The following IRF8 variants were observed in gnomAD, a reference collection of about 807,000 sequenced individuals.
The protein encoded by IRF8 is interferon consensus sequence binding protein 1.
IRF8 carries 14 observed loss-of-function variants against 48.7 expected under a neutral mutation model. The observed-to-expected ratio is 0.29, with a 90% confidence interval of 0.19 to 0.45. IRF8 has a LOEUF of 0.45. Ranked by LOEUF, IRF8 falls within the 20% of genes least tolerant of loss-of-function variation. The pLI, the probability that IRF8 is intolerant of heterozygous loss-of-function variation, is 1.00. For synonymous variants in IRF8, 278 were observed against 227.3 expected, an observed-to-expected ratio of 1.22 and a Z score of -2.01; for missense variants, 493 against 580.7, an observed-to-expected ratio of 0.85 and a Z score of 1.55.
In IRF8 at chr16:85,913,301, C is replaced by G. The variant is rs539393224; in HGVS notation, c.553+65C>G. On this transcript the variant is annotated intron_variant, in intron 5 of 8. Transcript: ENST00000268638. ...TGAAGGGTTTACGGCATTCCACCAG[C>G]CAGGGACGGAGTGGGGGTGGTTGTT... 168 of 1,165,260 alleles carry G rather than the reference C, an allele frequency of 1.4e-4. No homozygotes were observed. The African/African-American group carries it at 2.2e-3, about 16-fold the overall frequency. 72.2% of individuals were successfully genotyped at this position (1,165,260 alleles called of 1,614,324 possible).
intron 2 of IRF8, 58 bp from the exon 3 acceptor site, chr16:85,908,932 C>A: frequency 1.4e-6 from 2 of 1,433,628 alleles, no homozygotes; most frequent in Non-Finnish European, 2.0e-6. Context: ...GTCATGGTGA[C>A]GGATATTTGT....
At chr16:85,916,161 A>T (rs1451969567) in intron 6 of IRF8, among the ~76,000 whole-genome samples, 2 of 152,224 alleles carry the variant, frequency 1.3e-5, no homozygotes, top group Non-Finnish European at 2.9e-5. Flanking sequence ...TGCCGAGCAC[A>T]AATACAAGCT....
chr16:85,915,156 G>C (rs1905262213), intron 6 of IRF8, among the ~76,000 whole-genome samples: 1 of 152,256 alleles, frequency 6.6e-6, no homozygotes, highest in Non-Finnish European at 1.5e-5. Flanking sequence ...TCCCCGCGGT[G>C]GGCAGAGGTG....
At chr16:85,900,572 G>A (rs114919322) in intron 1 of IRF8, among the ~76,000 whole-genome samples, 1,606 of 152,302 alleles carry the variant, frequency 0.011, 33 homozygotes, top group African/African-American at 0.037. Context: ...CGTAACTATG[G>A]CTTTTCTCTG....
intron 2 of IRF8, among the ~76,000 whole-genome samples, chr16:85,907,220 C>A (rs540618763): frequency 1.3e-5 from 2 of 152,288 alleles, no homozygotes; most frequent in South Asian, 4.2e-4. Context: ...TTTGCATCAA[C>A]AAAGTAGGCA....
intron 2 of IRF8, chr16:85,903,661 G>C (rs374085256): frequency 4.8e-6 from 1 of 207,880 alleles, no homozygotes; most frequent in Non-Finnish European, 9.8e-6. Context: ...GGGCCGTGTG[G>C]GGGGTTGTGA....
chr16:85,909,280 T>G (rs750394271), intron 3 of IRF8, 107 bp downstream of exon 3: 9 of 862,332 alleles, frequency 1.0e-5, no homozygotes, highest in African/African-American at 5.0e-5. Context: ...GCACATAGTT[T>G]CAGTTAAACA....
intron 5 of IRF8, 93 bp downstream of exon 5, chr16:85,913,329 T>A: frequency 2.2e-6 from 2 of 890,308 alleles, no homozygotes; most frequent in Middle Eastern, 2.7e-4. Flanking sequence ...TGGTTGTTGC[T>A]ATCATGATCC....
intron 2 of IRF8, among the ~76,000 whole-genome samples, chr16:85,903,756 G>C (rs75800688): frequency 0.035 from 5,267 of 152,306 alleles, 116 homozygotes; most frequent in East Asian, 0.077. Flanking sequence ...TGGAGGGTTT[G>C]TTCTGTGCCA....
At chr16:85,917,239 C>T (rs532415366) in intron 6 of IRF8, among the ~76,000 whole-genome samples, 2 of 152,280 alleles carry the variant, frequency 1.3e-5, no homozygotes, top group Admixed American at 6.5e-5. Flanking sequence ...AGCCTCGAAC[C>T]GGTCTGGGGT....
At chr16:85,906,616 G>C (rs998922755) in intron 2 of IRF8, among the ~76,000 whole-genome samples, 2 of 152,256 alleles carry the variant, frequency 1.3e-5, no homozygotes, top group African/African-American at 4.8e-5. Context: ...GAACGAGTGA[G>C]TATGGCAGTG....
chr16:85,908,021 T>C (rs935841089), intron 2 of IRF8, among the ~76,000 whole-genome samples: 9 of 151,848 alleles, frequency 5.9e-5, no homozygotes, highest in African/African-American at 2.2e-4. Flanking sequence ...CCTCTTGGAA[T>C]TGCATTTTCC....
At chr16:85,919,020 G>T (rs932286909) in intron 7 of IRF8, among the ~76,000 whole-genome samples, 1 of 152,180 alleles carries the variant, frequency 6.6e-6, no homozygotes, top group Admixed American at 6.5e-5. Flanking sequence ...TTCCCCATGT[G>T]TACAGTGGGG....
In IRF8 at chr16:85,921,152, G is replaced by C; in HGVS notation, c.1151G>C (p.Ser384Thr). 6.2e-7 allele frequency: 1 copy of C among 1,614,138 alleles called. No individual in the cohort carries two copies. The change falls in exon 9 of 9, where the codon AGC becomes ACC. Residue 384 changes from serine (S) to threonine (T), a missense_variant. Physicochemically the swap from Ser to Thr is moderately conservative, Grantham distance 58. Coordinates refer to ENST00000268638, the MANE Select transcript of IRF8 (RefSeq NM_002163.4). ...CAACTGGCAGAAGAGGCTGGGAAGAGCTGTGGAGCCGGCTCTGTGATGCAG... is the reference window on the plus strand; with the variant it reads ...CAACTGGCAGAAGAGGCTGGGAAGACCTGTGGAGCCGGCTCTGTGATGCAG... ...VRQLAEEAGK[S>T]CGAGSVMQAP... is the part of the protein sequence containing the mutation.
Position 85,922,377 on chromosome 16 carries a change from G to GT in IRF8, c.*1095_*1096insT, listed in dbSNP as rs1176899271. On this transcript the variant is annotated 3_prime_UTR_variant, in exon 9 of 9. Coordinates refer to ENST00000268638, the MANE Select transcript of IRF8 (RefSeq NM_002163.4). ...GAGTTCACAGGCGAATAGAGGAGAG[G>GT]ACCAGGGGACGTGGCTTGTCCCTTT... is the stretch of plus-strand genomic sequence containing the variant. The GT allele has an allele frequency of 3.3e-5, 5 of 152,468 alleles. No homozygotes were observed. Among genetic ancestry groups the GT allele is most frequent in the Admixed American group, 3.3e-4 (5 of 15,300 alleles). 9.4% of individuals were successfully genotyped at this position (152,468 alleles called of 1,614,324 possible). A position where few individuals can be genotyped will look rare whatever the true frequency, so the allele number is the denominator to read the frequency against.
chr16:85,914,622 G>C (rs1905244681), intron 6 of IRF8, 102 bp downstream of exon 6: 2 of 1,338,074 alleles, frequency 1.5e-6, no homozygotes, highest in East Asian at 2.4e-5. Flanking sequence ...GCAGGACCTG[G>C]TGTGGAAGTC....
chr16:85,900,909 A>AT (rs34993178), intron 1 of IRF8: 21,543 of 152,150 alleles, frequency 0.14, 2,518 homozygotes, highest in African/African-American at 0.33. Context: ...TACTAACAAA[A>AT]TTTTGCTTTT....
At chr16:85,902,072 G>A (rs777306724) in intron 1 of IRF8, among the ~76,000 whole-genome samples, 30 of 152,020 alleles carry the variant, frequency 2.0e-4, no homozygotes, top group Non-Finnish European at 4.4e-5. Context: ...CTGCTTGGGT[G>A]AGAGTGTTCT....
In IRF8 at chr16:85,903,108, G is replaced by A; in HGVS notation, c.93G>A (p.Glu31=). Residue 31 remains glutamate, a synonymous_variant, in exon 2 of 9, where the codon GAG becomes GAA. Transcript: ENST00000268638. ...SMYPGLIWEN[E]EKSMFRIPWK... is the part of the protein sequence containing the mutation. ...ATCCAGGACTGATTTGGGAGAATGAGGAGAAGAGCATGTTCCGGATCCCTT... is the reference window on the plus strand; with the variant it reads ...ATCCAGGACTGATTTGGGAGAATGAAGAGAAGAGCATGTTCCGGATCCCTT... The A allele has an allele frequency of 6.2e-7, 1 of 1,614,098 alleles. No homozygotes were observed. The highest frequency in any genetic ancestry group is 8.5e-7 in the Non-Finnish European group (1 of 1,179,974).
Sources: gnomAD v4.1 joint callset for allele counts (sites outside exome capture counted in the v4.1 genomes callset) on GRCh38, gnomAD v4.1.1 for gene constraint, MANE v1.5 for transcripts, NCBI Gene and HGNC (gene_info 2026-07-23, HGNC 2026-07-21) for gene names.